The following DYNC2I2 variants were observed in gnomAD, a reference collection of about 807,000 sequenced individuals.
DYNC2I2 encodes dynein 2 intermediate chain 2.
DYNC2I2 carries 39 observed loss-of-function variants against 52.0 expected under a neutral mutation model. The ratio of observed to expected loss-of-function variants is 0.75; its 90% CI spans 0.58 to 0.98. The LOEUF (loss-of-function observed/expected upper bound fraction) is 0.98. Among genes scored for constraint, DYNC2I2 ranks in the 50% least tolerant of loss-of-function variants. The probability of loss-of-function intolerance (pLI) is 0.00; values close to 1 mark genes in which losing one functional copy is unlikely to be tolerated. For missense variants in DYNC2I2, 743 were observed against 728.4 expected, an observed-to-expected ratio of 1.02 and a Z score of -0.23; for synonymous variants, 359 against 321.1, an observed-to-expected ratio of 1.12 and a Z score of -1.26.
chr9:128,679,631 CTTTTGTT>C, the DYNC2I2 span, among the ~76,000 whole-genome samples: 1 of 151,098 alleles, frequency 6.6e-6, no homozygotes, highest in Admixed American at 6.6e-5. Context: ...GTTTGGCTAA[CTTTTGTT>C]TTTTGTTTTT....
chr9:128,676,547 T>C, the DYNC2I2 span, among the ~76,000 whole-genome samples: 2 of 151,654 alleles, frequency 1.3e-5, no homozygotes, highest in Non-Finnish European at 2.9e-5. Flanking sequence ...TTTTTTTTTT[T>C]TTGAGGCGGA....
the DYNC2I2 span, among the ~76,000 whole-genome samples, chr9:128,673,388 C>G: frequency 6.6e-6 from 1 of 151,898 alleles, no homozygotes; most frequent in Non-Finnish European, 1.5e-5. Flanking sequence ...GTCGCCCAGT[C>G]TGGAGTGCAG....
chr9:128,634,587 AAGG>A, intron 7 of DYNC2I2, 99 bp downstream of exon 7: 1 of 1,346,734 alleles, frequency 7.4e-7, no homozygotes, highest in Non-Finnish European at 1.0e-6. Context: ...GAGTGGGCAG[AAGG>A]CAAGCACTTG....
the DYNC2I2 span, among the ~76,000 whole-genome samples, chr9:128,676,855 T>C: frequency 1.3e-5 from 2 of 150,674 alleles, no homozygotes; most frequent in Non-Finnish European, 3.0e-5. Flanking sequence ...TTTTTTGTTT[T>C]GTTTTGTTTT....
chr9:128,655,367 CG>C (rs1860798270), intron 1 of DYNC2I2, among the ~76,000 whole-genome samples: 1 of 33,964 alleles, frequency 2.9e-5, no homozygotes, highest in African/African-American at 7.1e-5. Context: ...AAAAATTAGC[CG>C]GGCGTGGTGG....
At position 128,640,881 on chromosome 9, in the gene DYNC2I2, T is replaced by C; in HGVS notation, c.245A>G (p.His82Arg). Residue 82 changes from histidine (H) to arginine (R), a missense_variant, in exon 2 of 9, where the codon CAT (histidine) becomes CGT (arginine). Transcript: ENST00000372715. ...CTCCGTCTGCACCTGGGCGTCCACA[T>C]GATTCCTGGCCTGGGCGGATGCACT... Reference protein sequence around the residue: ...TASASAQARNHVDAQVQTEAP... With the variant: ...TASASAQARNRVDAQVQTEAP... 3 of 1,613,312 alleles carry C rather than the reference T, an allele frequency of 1.9e-6. No homozygotes were observed. The highest frequency in any genetic ancestry group is 2.5e-6 in the Non-Finnish European group (3 of 1,179,628).
intron 1 of DYNC2I2, among the ~76,000 whole-genome samples, chr9:128,641,147 G>A (rs978534080): frequency 6.6e-6 from 1 of 152,092 alleles, no homozygotes; most frequent in Admixed American, 6.6e-5. Context: ...AGAGCACCGT[G>A]TCCCTACCTC....
In DYNC2I2 at chr9:128,638,822, G is replaced by A. The variant is rs141383555; in HGVS notation, c.436-1795C>T. On this transcript the variant is annotated intron_variant, in intron 2 of 8. Coordinates refer to ENST00000372715, the MANE Select transcript of DYNC2I2 (RefSeq NM_052844.4). ...TCCATTAGCTGATGAGTGGCTAAAT[G>A]AATGTGGTCTGTCCATGCAACACCA... Among the ~76,000 whole-genome samples the A allele has an allele frequency of 2.9e-4, 44 of 152,324 alleles. No individual in the cohort carries two copies. In the East Asian group the frequency reaches 7.7e-3, roughly 27 times the overall value.
chr9:128,669,191 C>A, the DYNC2I2 span, among the ~76,000 whole-genome samples: 1 of 151,974 alleles, frequency 6.6e-6, no homozygotes, highest in African/African-American at 2.4e-5. Flanking sequence ...CGGTGAAACT[C>A]CGTCTCTACT....
intron 1 of DYNC2I2, among the ~76,000 whole-genome samples, chr9:128,649,075 GAA>G (rs1442997923): frequency 1.3e-5 from 2 of 152,162 alleles, no homozygotes; most frequent in Non-Finnish European, 2.9e-5. Flanking sequence ...ATCCCACTGG[GAA>G]AAAGTTCAAT....
chr9:128,643,353 C>T (rs1860553397), intron 1 of DYNC2I2, among the ~76,000 whole-genome samples: 1 of 152,030 alleles, frequency 6.6e-6, no homozygotes, highest in Admixed American at 6.6e-5. Flanking sequence ...GGTGAAACCC[C>T]GTCTCTACTA....
At chr9:128,635,520 A>T (rs1860386076) in intron 5 of DYNC2I2, 138 bp downstream of exon 5, 2 of 853,962 alleles carry the variant, frequency 2.3e-6, no homozygotes, top group African/African-American at 1.7e-5. Context: ...GAGGGGGGTG[A>T]CTCATGCTGC....
upstream of DYNC2I2, among the ~76,000 whole-genome samples, chr9:128,661,304 C>CAAAAAAAAAAAAAAAA (rs34937317): frequency 3.2e-5 from 2 of 62,220 alleles, no homozygotes; most frequent in Non-Finnish European, 7.2e-5. Context: ...GACTCCATCT[C>CAAAAAAAAAAAAAAAA]AAAAAAAAAA....
chr9:128,666,775 A>G, the DYNC2I2 span, among the ~76,000 whole-genome samples: 491 of 150,674 alleles, frequency 3.3e-3, 3 homozygotes, highest in African/African-American at 0.011. Flanking sequence ...AAAAAAAAAG[A>G]AGATAAGGCC....
the DYNC2I2 span, among the ~76,000 whole-genome samples, chr9:128,662,827 G>C: frequency 6.6e-6 from 1 of 152,142 alleles, no homozygotes; most frequent in African/African-American, 2.4e-5. Flanking sequence ...GCCTCCCAAA[G>C]TGCTGGGACT....
chr9:128,635,546 G>T, intron 5 of DYNC2I2, 112 bp downstream of exon 5: 2 of 998,550 alleles, frequency 2.0e-6, no homozygotes, highest in Non-Finnish European at 3.0e-6. Context: ...CTCCGAGAAT[G>T]CAGGAGGCAG....
intron 2 of DYNC2I2, among the ~76,000 whole-genome samples, chr9:128,639,340 G>A (rs140094396): frequency 2.0e-5 from 3 of 152,156 alleles, no homozygotes; most frequent in African/African-American, 4.8e-5. Flanking sequence ...AGAGGTTGCA[G>A]TGAGCCAAGA....
the DYNC2I2 span, among the ~76,000 whole-genome samples, chr9:128,667,133 A>C: frequency 1.3e-5 from 2 of 151,352 alleles, no homozygotes; most frequent in African/African-American, 4.8e-5. Flanking sequence ...CGGGAGGCAG[A>C]GGTTGCAGTG....
At chr9:128,670,077 T>C in the DYNC2I2 span, among the ~76,000 whole-genome samples, 1 of 151,720 alleles carries the variant, frequency 6.6e-6, no homozygotes, top group Non-Finnish European at 1.5e-5. Flanking sequence ...GAGGCAGAGA[T>C]TGCACTAAGT....
Sources: allele counts gnomAD v4.1 joint callset (sites outside exome capture counted in the v4.1 genomes callset), GRCh38; gene constraint gnomAD v4.1.1; transcripts MANE v1.5; gene names NCBI Gene and HGNC (gene_info 2026-07-23, HGNC 2026-07-21).